The following INTS4 variants were observed in gnomAD, a reference collection of about 807,000 sequenced individuals.
The protein encoded by INTS4 is MSTP093.
A neutral mutation model predicts 119.5 loss-of-function variants in INTS4; 70 were observed. That is an observed-to-expected ratio of 0.59 (90% confidence interval 0.48 to 0.71). The LOEUF (loss-of-function observed/expected upper bound fraction) is 0.71, where lower values mean the gene tolerates loss of function less well. Ranked by LOEUF, INTS4 falls within the 30% of genes least tolerant of loss-of-function variation. The pLI is 0.00. For synonymous variants in INTS4, 316 were observed against 419.6 expected (o/e 0.75, Z 3.02); for missense variants, 867 against 1,173.2 (o/e 0.74, Z 3.81).
intron 10 of INTS4, among the ~76,000 whole-genome samples, chr11:77,930,073 G>A (rs927677023): frequency 2.6e-5 from 4 of 152,170 alleles, no homozygotes; most frequent in African/African-American, 7.2e-5. Context: ...GCTAGGTGCA[G>A]TACTAAGGGC....
At chr11:77,878,078 C>T (rs1042988379), downstream of INTS4, among the ~76,000 whole-genome samples, 2 of 152,150 alleles carry the variant, frequency 1.3e-5, no homozygotes, top group Non-Finnish European at 2.9e-5. Context: ...GAATTTCCTT[C>T]AAAGCAAGGC....
chr11:77,987,118 G>A (rs1413028048), intron 2 of INTS4: 2 of 152,192 alleles, frequency 1.3e-5, no homozygotes, highest in Non-Finnish European at 1.5e-5. Flanking sequence ...GTGGATTGGG[G>A]AAGAGGGAAA....
At chr11:77,933,680 C>T (rs6592748) in intron 10 of INTS4, among the ~76,000 whole-genome samples, 58,221 of 151,540 alleles carry the variant, frequency 0.38, 11,338 homozygotes, top group African/African-American at 0.42. Context: ...TCTGCCTGGC[C>T]GCCCATCATC....
At chr11:77,887,552 G>A (rs1470803756) in intron 21 of INTS4, among the ~76,000 whole-genome samples, 1 of 152,132 alleles carries the variant, frequency 6.6e-6, no homozygotes, top group Non-Finnish European at 1.5e-5. Flanking sequence ...ATTCAACATA[G>A]TGTTGGAAGT....
At chr11:77,939,314 A>G (rs1426000892) in intron 9 of INTS4, among the ~76,000 whole-genome samples, 3 of 152,210 alleles carry the variant, frequency 2.0e-5, no homozygotes, top group African/African-American at 4.8e-5. Context: ...CATCTCTACT[A>G]TAAGTACAAA....
At chr11:77,984,150 T>C (rs549435865) in intron 2 of INTS4, among the ~76,000 whole-genome samples, 1 of 152,290 alleles carries the variant, frequency 6.6e-6, no homozygotes, top group South Asian at 2.1e-4. Flanking sequence ...AAATACTTTA[T>C]AATTCCACTT....
At chr11:77,956,707 AAAAAATAAT>A (rs1954331978) in intron 7 of INTS4, among the ~76,000 whole-genome samples, 2 of 57,956 alleles carry the variant, frequency 3.5e-5, no homozygotes, top group Non-Finnish European at 7.4e-5. Flanking sequence ...ACTCCATCTC[AAAAAATAAT>A]AATAATAATA....
chr11:77,895,467 GGGGGT>G (rs1172553721), intron 18 of INTS4, among the ~76,000 whole-genome samples: 1 of 147,640 alleles, frequency 6.8e-6, no homozygotes, highest in African/African-American at 2.5e-5. Flanking sequence ...AAATGGGGCC[GGGGGT>G]AGATGGCAAA....
At chr11:77,903,031 A>G (rs192443144) in intron 17 of INTS4, among the ~76,000 whole-genome samples, 113 of 152,208 alleles carry the variant, frequency 7.4e-4, no homozygotes, top group Non-Finnish European at 1.4e-3. Context: ...CAGCCTCCCA[A>G]AGTGCTGGGA....
At chr11:77,907,883 GCATTTTAT>G (rs1952998269) in intron 15 of INTS4, 73 bp from the exon 16 acceptor site, 1 of 957,218 alleles carries the variant, frequency 1.0e-6, no homozygotes, top group African/African-American at 1.6e-5. Context: ...CATGTCAAAA[GCATTTTAT>G]CATTTTATAC....
chr11:77,914,454 CT>C (rs1376212170), intron 15 of INTS4, among the ~76,000 whole-genome samples: 3 of 152,210 alleles, frequency 2.0e-5, no homozygotes, highest in Non-Finnish European at 4.4e-5. Context: ...GGCCAACAAC[CT>C]CATTCAGTGG....
At chr11:77,899,337 C>G (rs1258751987) in intron 18 of INTS4, among the ~76,000 whole-genome samples, 1 of 151,524 alleles carries the variant, frequency 6.6e-6, no homozygotes, top group East Asian at 1.9e-4. Flanking sequence ...TCTAGCAAAA[C>G]CTAAGAAAGA....
chr11:77,883,873 C>A lies in INTS4; in HGVS notation c.2672G>T (p.Arg891Leu), dbSNP rs745824061. ...DFRNPGPGRH[R>L]LITQVYLSHT... ...GGAGAGATAAACCTGAGTGATGAGCCGGTGCCGCCCTGGGCCAGGATTCCG... is the reference window on the plus strand; with the variant it reads ...GGAGAGATAAACCTGAGTGATGAGCAGGTGCCGCCCTGGGCCAGGATTCCG... The change falls in exon 22 of 23, where the codon CGG becomes CTG. Residue 891 changes from arginine to leucine, a missense_variant. Coordinates refer to ENST00000534064, the MANE Select transcript of INTS4 (RefSeq NM_033547.4). The A allele has an allele frequency of 6.2e-7, 1 of 1,612,692 alleles. No individual in the cohort carries two copies. Among genetic ancestry groups the A allele is most frequent in the Admixed American group, 1.7e-5 (1 of 59,842 alleles).
At chr11:77,963,382 A>AAAAAT in intron 4 of INTS4, 1 of 399,220 alleles carries the variant, frequency 2.5e-6, no homozygotes, top group Non-Finnish European at 4.8e-6. Context: ...AAACAAAAAA[A>AAAAAT]ACTGCTTTTC....
chr11:77,901,787 G>A (rs1392390352), intron 17 of INTS4, among the ~76,000 whole-genome samples: 1 of 151,824 alleles, frequency 6.6e-6, no homozygotes, highest in African/African-American at 2.4e-5. Flanking sequence ...TTGATGATGT[G>A]AAGATAAGAA....
chr11:77,993,481 T>C (rs1224109976), intron 1 of INTS4, among the ~76,000 whole-genome samples: 1 of 152,126 alleles, frequency 6.6e-6, no homozygotes, highest in Non-Finnish European at 1.5e-5. Flanking sequence ...CATGTGAGGA[T>C]GGGTGGAAGA....
At chr11:77,979,418 T>G (rs1355502488) in intron 3 of INTS4, among the ~76,000 whole-genome samples, 1 of 151,748 alleles carries the variant, frequency 6.6e-6, no homozygotes, top group African/African-American at 2.4e-5. Flanking sequence ...AAGGCAGCAG[T>G]GAGCCGTAAT....
intron 10 of INTS4, among the ~76,000 whole-genome samples, chr11:77,930,390 C>T (rs576787564): frequency 2.0e-5 from 3 of 152,254 alleles, no homozygotes; most frequent in East Asian, 1.9e-4. Flanking sequence ...CTTCACTTCA[C>T]AATAATATAA....
At chr11:77,975,729 G>A (rs10899419) in intron 4 of INTS4, among the ~76,000 whole-genome samples, 58,298 of 151,730 alleles carry the variant, frequency 0.38, 11,356 homozygotes, top group African/African-American at 0.42. Context: ...AGGCCGAGGC[G>A]GGCGGATCAT....
Sources: allele counts gnomAD v4.1 joint callset (sites outside exome capture counted in the v4.1 genomes callset), GRCh38; gene constraint gnomAD v4.1.1; transcripts MANE v1.5; gene names NCBI Gene and HGNC (gene_info 2026-07-23, HGNC 2026-07-21).